Variants in PRKCZ observed in about 807,000 individuals in gnomAD.
The protein encoded by PRKCZ is protein kinase C zeta type.
In PRKCZ, 33 loss-of-function variants were observed where a neutral mutation model predicts 79.5. The observed-to-expected ratio is 0.41, with a 90% CI of 0.31 to 0.55. The LOEUF is 0.55. PRKCZ is among the 20% of genes least tolerant of loss of function. The probability of loss-of-function intolerance (pLI) is 0.19; values close to 1 mark genes in which losing one functional copy is unlikely to be tolerated. For missense variants in PRKCZ, 578 were observed against 813.5 expected, an observed-to-expected ratio of 0.71 and a Z score of 3.52; for synonymous variants, 342 against 320.9, an observed-to-expected ratio of 1.07 and a Z score of -0.70.
At chr1:2,154,077 G>A (rs993299238) in intron 9 of PRKCZ, among the ~76,000 whole-genome samples, 1 of 152,180 alleles carries the variant, frequency 6.6e-6, no homozygotes, top group African/African-American at 2.4e-5. Context: ...TGCCAACGCC[G>A]ACGTCCCTGC....
At chr1:2,104,280 A>C (rs945363524) in intron 4 of PRKCZ, among the ~76,000 whole-genome samples, 1 of 152,254 alleles carries the variant, frequency 6.6e-6, no homozygotes, top group African/African-American at 2.4e-5. Context: ...GTCGAACATC[A>C]AAAAGGGGGT....
At chr1:2,131,392 G>C (rs1674928178) in intron 4 of PRKCZ, among the ~76,000 whole-genome samples, 1 of 152,178 alleles carries the variant, frequency 6.6e-6, no homozygotes, top group Non-Finnish European at 1.5e-5. Context: ...ATCGCCTGAG[G>C]TCAGGCGTTG....
chr1:2,172,916 C>CGT lies in PRKCZ; in HGVS notation c.1285+534_1285+535dup, dbSNP rs747549320. Among the ~76,000 whole-genome samples the CGT allele has an allele frequency of 7.9e-5, 12 of 151,480 alleles. No homozygotes were observed. The highest frequency in any genetic ancestry group is 4.2e-4 in the South Asian group (2 of 4,738). ...GGGGACGTGGGCACGCGTGTGCAGC[C>CGT]GTGTGTGCGTGTGTGAAACGGGGAT... On this transcript the variant is annotated intron_variant, in intron 13 of 17. Transcript: ENST00000378567. This position sits in a 1 kb window ranked among gnomAD's most constrained non-coding sequence, Gnocchi z 7.8.
chr1:2,099,778 C>T (rs2102573179), intron 4 of PRKCZ, among the ~76,000 whole-genome samples: 1 of 152,304 alleles, frequency 6.6e-6, no homozygotes, highest in East Asian at 1.9e-4. Flanking sequence ...TTAGTGAGGC[C>T]TGGGTGTGAC....
intron 4 of PRKCZ, among the ~76,000 whole-genome samples, chr1:2,095,805 CTCCCTTCCCCTCCTG>C (rs1666374979): frequency 7.0e-6 from 1 of 143,266 alleles, no homozygotes; most frequent in Non-Finnish European, 1.5e-5. Context: ...CTCCCCTCTC[CTCCCTTCCCCTCCTG>C]TCCCTTCCCC....
rs1326551008 is a variant in PRKCZ, at chr1:2,174,308, GGCTGTACCGA to G, written c.1405+297_1405+306del. On this transcript the variant is annotated intron_variant, in intron 14 of 17. Transcript: ENST00000378567. The surrounding 1 kb of genome is among the most constrained non-coding windows in gnomAD (Gnocchi z 6.2). Reference sequence around the variant, plus strand: ...GGAGCCCCAGCATGTCCTTGACCGAGGCTGTACCGAGCTGAAAGCACAGCCCCCACCCCCA... The same window carrying G: ...GGAGCCCCAGCATGTCCTTGACCGAGGCTGAAAGCACAGCCCCCACCCCCA... Among the ~76,000 whole-genome samples, 1 of 152,174 alleles carries G rather than the reference GGCTGTACCGA, an allele frequency of 6.6e-6. No homozygotes were observed. The highest frequency in any genetic ancestry group is 1.5e-5 in the Non-Finnish European group (1 of 68,020).
chr1:2,110,911 G>A (rs17372341), intron 4 of PRKCZ, among the ~76,000 whole-genome samples: 32,374 of 151,916 alleles, frequency 0.21, 3,985 homozygotes, highest in Admixed American at 0.32. Context: ...CTGAGAGACC[G>A]AGCCGGAAGG....
intron 4 of PRKCZ, among the ~76,000 whole-genome samples, chr1:2,092,574 A>G (rs1665708400): frequency 6.6e-6 from 1 of 152,226 alleles, no homozygotes; most frequent in African/African-American, 2.4e-5. Flanking sequence ...GGCCAGGTGG[A>G]CTTGAAGCTC....
chr1:2,087,757 C>G (rs547817145), intron 4 of PRKCZ, among the ~76,000 whole-genome samples: 1 of 152,284 alleles, frequency 6.6e-6, no homozygotes, highest in East Asian at 1.9e-4. Flanking sequence ...GAGGTTAAAA[C>G]CTTCCTGCTC....
chr1:2,101,656 TGAGG>T (rs1667460062), intron 4 of PRKCZ, among the ~76,000 whole-genome samples: 1 of 152,182 alleles, frequency 6.6e-6, no homozygotes, highest in Non-Finnish European at 1.5e-5. Context: ...TCCTGGAGAA[TGAGG>T]GTGGGAGAGC....
chr1:2,150,781 C>G lies in PRKCZ; in HGVS notation c.688-9C>G, dbSNP rs79604593. On this transcript the variant is annotated splice_polypyrimidine_tract_variant and intron_variant, in intron 8 of 17. Coordinates refer to ENST00000378567, the MANE Select transcript of PRKCZ (RefSeq NM_002744.6). ...TCTCACTTTCTGGGGTCTTGTTCTC[C>G]CTCCCTAGGACCTTAAGCCAGTTAT... 1 of 1,608,402 alleles carries G rather than the reference C, an allele frequency of 6.2e-7. No individual in the cohort carries two copies. The highest frequency in any genetic ancestry group is 1.7e-5 in the Admixed American group (1 of 59,410).
intron 5 of PRKCZ, 106 bp from the exon 6 acceptor site, chr1:2,144,104 G>C (rs745600695): frequency 1.4e-6 from 2 of 1,446,608 alleles, no homozygotes; most frequent in Admixed American, 2.4e-5. Context: ...CCTGTTGCCC[G>C]GCTCAGTGTC....
chr1:2,065,593 A>G lies in PRKCZ; in HGVS notation c.334+6002A>G, dbSNP rs142308523. Among the ~76,000 whole-genome samples the G allele has an allele frequency of 0.011, 1,631 of 151,218 alleles. 135 individuals are homozygous for G. In the East Asian group the frequency reaches 0.21, roughly 20 times the overall value. On this transcript the variant is annotated intron_variant, in intron 4 of 17. Coordinates refer to ENST00000378567, the MANE Select transcript of PRKCZ (RefSeq NM_002744.6). The stretch of plus-strand genomic sequence containing the variant: ...ACTCGGGAGGCTGAGCCAGGAGAAT[A>G]GCCTGAACCCGGGAGGCAGAGCTTG...
Position 2,174,200 on chromosome 1 carries a change from T to C in PRKCZ, c.1405+184T>C, listed in dbSNP as rs1302426720. ...CACTCCCCGGGCCGTGGGGTGGGGTTACCACACCTGTGGGTCAGCAGGAAA... is the reference window on the plus strand; with the variant it reads ...CACTCCCCGGGCCGTGGGGTGGGGTCACCACACCTGTGGGTCAGCAGGAAA... On this transcript the variant is annotated intron_variant, in intron 14 of 17. Coordinates refer to ENST00000378567, the MANE Select transcript of PRKCZ (RefSeq NM_002744.6). This position sits in a 1 kb window ranked among gnomAD's most constrained non-coding sequence, Gnocchi z 6.2. 1.3e-5 allele frequency among the ~76,000 whole-genome samples: 2 copies of C among 152,154 alleles called. No homozygotes were observed. Among genetic ancestry groups the C allele is most frequent in the African/African-American group, 4.8e-5 (2 of 41,442 alleles).
At chr1:2,136,604 G>A (rs749281156) in intron 5 of PRKCZ, among the ~76,000 whole-genome samples, 12 of 152,144 alleles carry the variant, frequency 7.9e-5, no homozygotes, top group Admixed American at 1.3e-4. Flanking sequence ...GAGCCTAGGC[G>A]GCTGTGTGCT....
In PRKCZ at chr1:2,085,051, G is replaced by A. The variant is rs549162082; in HGVS notation, c.334+25460G>A. ...AGATGCAGGTCAGGCACAGAAGCCAGACAGGCTGCTCCCACCCCAACATGA... is the reference window on the plus strand; with the variant it reads ...AGATGCAGGTCAGGCACAGAAGCCAAACAGGCTGCTCCCACCCCAACATGA... On this transcript the variant is annotated intron_variant, in intron 4 of 17. Transcript: ENST00000378567. Among the ~76,000 whole-genome samples the A allele has an allele frequency of 5.4e-3, 823 of 151,840 alleles. 4 individuals are homozygous for A. The highest frequency in any genetic ancestry group is 8.2e-3 in the Non-Finnish European group (556 of 67,922).
At chr1:2,135,140 C>G (rs1030617153) in intron 4 of PRKCZ, 122 bp from the exon 5 acceptor site, 4 of 768,982 alleles carry the variant, frequency 5.2e-6, no homozygotes, top group African/African-American at 1.8e-5. Flanking sequence ...GCCCTGCCTT[C>G]CCTGCCTGGG....
chr1:2,082,599 C>G lies in PRKCZ; in HGVS notation c.334+23008C>G, dbSNP rs1663756742. 5.4e-6 allele frequency: 2 copies of G among 371,490 alleles called. No individual in the cohort carries two copies. Among genetic ancestry groups the G allele is most frequent in the Non-Finnish European group, 1.1e-5 (2 of 188,232 alleles). The allele number at this position is 371,490 out of a possible 1,614,324, so 23.0% of individuals were successfully genotyped here. A position where few individuals can be genotyped will look rare whatever the true frequency, so the allele number is the denominator to read the frequency against. On this transcript the variant is annotated intron_variant, in intron 4 of 17. Transcript: ENST00000378567. The surrounding 1 kb of genome is among the most constrained non-coding windows in gnomAD (Gnocchi z 4.4). Reference sequence around the variant, plus strand: ...ATTTCCCTGGTGTAAATGCTCCCACCACGGCCGATTTCAGGCTGCCGAAGT... The same window carrying G: ...ATTTCCCTGGTGTAAATGCTCCCACGACGGCCGATTTCAGGCTGCCGAAGT...
intron 4 of PRKCZ, among the ~76,000 whole-genome samples, chr1:2,106,063 C>T (rs1336079387): frequency 1.3e-5 from 2 of 152,206 alleles, no homozygotes; most frequent in African/African-American, 2.4e-5. Context: ...CAGACAGGTC[C>T]TCAGGATTGT....
Sources: allele counts gnomAD v4.1 joint callset (sites outside exome capture counted in the v4.1 genomes callset), GRCh38; gene constraint gnomAD v4.1.1; non-coding constraint Gnocchi (gnomAD v3.1); transcripts MANE v1.5; gene names NCBI Gene and HGNC (gene_info 2026-07-23, HGNC 2026-07-21).